Variants in FGF14 observed in about 807,000 individuals in gnomAD.
FGF14 encodes the protein fibroblast growth factor 14.
In FGF14, 5 loss-of-function variants were observed where a neutral mutation model predicts 25.5. That is an observed-to-expected ratio of 0.20 (90% CI 0.10 to 0.41). The LOEUF is 0.41. Ranked by LOEUF, FGF14 falls within the 10% of genes least tolerant of loss-of-function variation. The pLI is 1.00. For synonymous variants in FGF14, 138 were observed against 118.3 expected (o/e 1.17, Z -1.08); for missense variants, 222 against 320.1 (o/e 0.69, Z 2.34).
chr13:102,386,557 C>A (rs945100985), intron 1 of FGF14, among the ~76,000 whole-genome samples: 35 of 152,300 alleles, frequency 2.3e-4, no homozygotes, highest in Middle Eastern at 3.4e-3. Flanking sequence ...CAGGCAAAAA[C>A]TGTTATCAAG....
chr13:101,723,093 C>A (rs1286769180), intron 4 of FGF14, 126 bp from the exon 5 acceptor site: 1 of 1,080,748 alleles, frequency 9.3e-7, no homozygotes, highest in Non-Finnish European at 1.4e-6. Context: ...TAAAGCAATT[C>A]CATTGAGACA....
intron 1 of FGF14, among the ~76,000 whole-genome samples, chr13:102,237,433 T>A (rs1338467129): frequency 6.6e-6 from 1 of 152,192 alleles, no homozygotes; most frequent in Non-Finnish European, 1.5e-5. Context: ...AGGCTGTCCC[T>A]CATCCCTGCG....
intron 3 of FGF14, among the ~76,000 whole-genome samples, chr13:101,794,211 T>C (rs4772414): frequency 0.91 from 138,668 of 152,004 alleles, 64,556 homozygotes; most frequent in East Asian, 1. Flanking sequence ...TTCTCTTTCC[T>C]GCCAGTAACT....
rs181943551 is a variant in FGF14 at position 102,168,267 on chromosome 13, C to T, written c.208+233204G>A. On this transcript the variant is annotated intron_variant, in intron 1 of 4. Coordinates refer to the FGF14 transcript ENST00000376131. ...GTATGATGGGGAGGGCAGGCAAAGACGTCAGATCCTCAGCGCCTAATCAAA... is the reference window on the plus strand; with the variant it reads ...GTATGATGGGGAGGGCAGGCAAAGATGTCAGATCCTCAGCGCCTAATCAAA... Among the ~76,000 whole-genome samples the T allele has an allele frequency of 4.6e-5, 7 of 152,214 alleles. No individual in the cohort carries two copies. The East Asian group carries it at 1.4e-3, about 29-fold the overall frequency.
At chr13:101,754,886 G>A (rs1018741093) in intron 3 of FGF14, among the ~76,000 whole-genome samples, 1 of 151,984 alleles carries the variant, frequency 6.6e-6, no homozygotes, top group Admixed American at 6.6e-5. Context: ...ATCAGTTCTC[G>A]GTTCTCATTT....
intron 1 of FGF14, among the ~76,000 whole-genome samples, chr13:102,294,369 T>C (rs1037352190): frequency 6.6e-6 from 1 of 152,072 alleles, no homozygotes; most frequent in Non-Finnish European, 1.5e-5. Flanking sequence ...TCTCCATTGC[T>C]TAATCTTCAT....
chr13:101,719,845 T>C lies in FGF14; in HGVS notation c.*2986A>G, dbSNP rs1326338657. 5 of 150,892 alleles carry C rather than the reference T, an allele frequency of 3.3e-5. No individual in the cohort carries two copies. Among genetic ancestry groups the C allele is most frequent in the African/African-American group, 1.2e-4 (5 of 41,380 alleles). 9.3% of individuals were successfully genotyped at this position (150,892 alleles called of 1,614,324 possible). A position where few individuals can be genotyped will look rare whatever the true frequency, so the allele number is the denominator to read the frequency against. ...GTGACAGATTGCACTTCTTACTTAATAACAGCAAACTTAATTTCTGAGGGG... is the reference window on the plus strand; with the variant it reads ...GTGACAGATTGCACTTCTTACTTAACAACAGCAAACTTAATTTCTGAGGGG... On this transcript the variant is annotated 3_prime_UTR_variant, in exon 5 of 5. Coordinates refer to ENST00000376143, the MANE Select transcript of FGF14 (RefSeq NM_004115.4).
At chr13:102,269,451 A>G (rs2053144547) in intron 1 of FGF14, among the ~76,000 whole-genome samples, 1 of 152,238 alleles carries the variant, frequency 6.6e-6, no homozygotes. Context: ...AAGAAAAATT[A>G]TATGACAGAA....
chr13:102,045,897 G>A (rs1462508023), intron 1 of FGF14: 1 of 153,594 alleles, frequency 6.5e-6, no homozygotes, highest in Non-Finnish European at 1.5e-5. Flanking sequence ...GGTCTGACAA[G>A]CCTGTGAGGA....
At chr13:102,098,283 G>A (rs1189344194) in intron 1 of FGF14, among the ~76,000 whole-genome samples, 1 of 152,176 alleles carries the variant, frequency 6.6e-6, no homozygotes, top group East Asian at 1.9e-4. Flanking sequence ...TTTCTAGAAA[G>A]TCGTGTCCCT....
At chr13:101,882,166 C>T (rs578191296) in intron 1 of FGF14, among the ~76,000 whole-genome samples, 14 of 152,082 alleles carry the variant, frequency 9.2e-5, no homozygotes, top group Admixed American at 2.0e-4. Flanking sequence ...CTTCTCCTTT[C>T]GGAAACTAGA....
intron 1 of FGF14, among the ~76,000 whole-genome samples, chr13:102,006,130 T>C (rs2039770424): frequency 6.6e-6 from 1 of 152,236 alleles, no homozygotes; most frequent in Non-Finnish European, 1.5e-5. Context: ...ACATATTCTG[T>C]CATTAAGAAG....
chr13:101,916,894 C>T lies in FGF14; in HGVS notation c.-249G>A, dbSNP rs1400041726. On this transcript the variant is annotated 5_prime_UTR_variant, in exon 1 of 5. Transcript: ENST00000376143. Reference sequence around the variant, plus strand: ...CGGACGATCCCGGGAAGCCGGACGTCGTGGCCGCCGCCGCTTGGCCACGTC... The same window carrying T: ...CGGACGATCCCGGGAAGCCGGACGTTGTGGCCGCCGCCGCTTGGCCACGTC... 1.3e-5 allele frequency among the ~76,000 whole-genome samples: 2 copies of T among 152,034 alleles called. No homozygotes were observed. Among genetic ancestry groups the T allele is most frequent in the Non-Finnish European group, 2.9e-5 (2 of 67,946 alleles).
At chr13:101,828,409 A>T (rs3007765) in intron 3 of FGF14, among the ~76,000 whole-genome samples, 2 of 151,654 alleles carry the variant, frequency 1.3e-5, no homozygotes, top group Non-Finnish European at 2.9e-5. Context: ...TCTATGACCA[A>T]ATGATAATCA....
In FGF14 at chr13:101,713,904, C is replaced by T. The variant is rs1323045882; in HGVS notation, c.*8927G>A. On this transcript the variant is annotated 3_prime_UTR_variant, in exon 5 of 5. Transcript: ENST00000376143. Reference sequence around the variant, plus strand: ...CTCACAAGGCAAATATACTGAGTGACTGTATGCATTTTTAGCACTTTAATT... The same window carrying T: ...CTCACAAGGCAAATATACTGAGTGATTGTATGCATTTTTAGCACTTTAATT... 6.5e-6 allele frequency: 1 copy of T among 152,754 alleles called. No homozygotes were observed. The highest frequency in any genetic ancestry group is 1.5e-5 in the Non-Finnish European group (1 of 68,490). 9.5% of individuals were successfully genotyped at this position (152,754 alleles called of 1,614,324 possible). A position where few individuals can be genotyped will look rare whatever the true frequency, so the allele number is the denominator to read the frequency against.
At chr13:101,958,583 G>T (rs943988038) in intron 1 of FGF14, among the ~76,000 whole-genome samples, 1 of 152,150 alleles carries the variant, frequency 6.6e-6, no homozygotes, top group African/African-American at 2.4e-5. Context: ...AAGTCAGAAG[G>T]TATTAATTCT....
chr13:101,776,170 A>C (rs2039091158), intron 3 of FGF14, among the ~76,000 whole-genome samples: 1 of 152,194 alleles, frequency 6.6e-6, no homozygotes, highest in Non-Finnish European at 1.5e-5. Flanking sequence ...CAGTGGGGAT[A>C]TCAGAGGGCA....
At chr13:102,103,645 A>C (rs1042679135) in intron 1 of FGF14, among the ~76,000 whole-genome samples, 7 of 152,176 alleles carry the variant, frequency 4.6e-5, no homozygotes, top group African/African-American at 1.7e-4. Flanking sequence ...AAGCCCAACA[A>C]GATCTCCTCA....
intron 3 of FGF14, among the ~76,000 whole-genome samples, chr13:101,814,931 G>A (rs1391583001): frequency 6.6e-6 from 1 of 152,106 alleles, no homozygotes; most frequent in Non-Finnish European, 1.5e-5. Context: ...CAAGTAACCT[G>A]TAAATAAAAT....
Sources: gnomAD v4.1 joint callset for allele counts (sites outside exome capture counted in the v4.1 genomes callset) on GRCh38, gnomAD v4.1.1 for gene constraint, MANE v1.5 for transcripts, NCBI Gene and HGNC (gene_info 2026-07-23, HGNC 2026-07-21) for gene names.